Variants in NXNL2 observed in about 807,000 individuals in gnomAD.
The protein encoded by NXNL2 is nucleoredoxin like 2.
NXNL2 carries 7 observed loss-of-function variants against 11.1 expected under a neutral mutation model. The ratio of observed to expected loss-of-function variants is 0.63; its 90% CI spans 0.36 to 1.18. The LOEUF (loss-of-function observed/expected upper bound fraction) is 1.18, where lower values mean the gene tolerates loss of function less well. Among genes scored for constraint, NXNL2 ranks in the 50% most tolerant of loss-of-function variants. The pLI is 0.02. For missense variants in NXNL2, 233 were observed against 217.7 expected (o/e 1.07, Z -0.44); for synonymous variants, 109 against 101.8 (o/e 1.07, Z -0.42).
chr9:88,541,818 T>C (rs1425317623), intron 1 of NXNL2, among the ~76,000 whole-genome samples: 2 of 152,248 alleles, frequency 1.3e-5, no homozygotes, highest in Non-Finnish European at 2.9e-5. Context: ...GTGTGTTTAA[T>C]TGTGTTTACA....
intron 1 of NXNL2, among the ~76,000 whole-genome samples, chr9:88,566,692 G>A (rs1438748319): frequency 6.6e-6 from 1 of 152,168 alleles, no homozygotes; most frequent in African/African-American, 2.4e-5. Context: ...TGTGTATGGT[G>A]TAGACAAAGG....
At chr9:88,556,189 C>T (rs1830008914) in intron 1 of NXNL2, among the ~76,000 whole-genome samples, 1 of 152,162 alleles carries the variant, frequency 6.6e-6, no homozygotes, top group Admixed American at 6.5e-5. Flanking sequence ...GCATCACCGC[C>T]TGCAACTTGG....
chr9:88,556,953 C>T (rs1440880621), intron 1 of NXNL2, among the ~76,000 whole-genome samples: 1 of 151,816 alleles, frequency 6.6e-6, no homozygotes, highest in African/African-American at 2.4e-5. Flanking sequence ...TGGTTGCAGA[C>T]CCCTGTAGTC....
intron 1 of NXNL2, among the ~76,000 whole-genome samples, chr9:88,564,397 ATATC>A (rs1002611269): frequency 2.6e-4 from 40 of 151,614 alleles, no homozygotes; most frequent in Non-Finnish European, 5.0e-4. Flanking sequence ...ATGTATGTAC[ATATC>A]TATCTATTTA....
downstream of NXNL2, among the ~76,000 whole-genome samples, chr9:88,576,978 C>A (rs1178402052): frequency 1.3e-5 from 2 of 152,060 alleles, no homozygotes; most frequent in Non-Finnish European, 2.9e-5. Flanking sequence ...AGGGGGGGTC[C>A]CAGCTCCCAA....
chr9:88,540,296 C>T (rs1829724439), intron 1 of NXNL2, among the ~76,000 whole-genome samples: 2 of 151,070 alleles, frequency 1.3e-5, no homozygotes, highest in South Asian at 4.2e-4. Flanking sequence ...TGTACCACTG[C>T]ACTCCAGTCT....
chr9:88,579,966 T>G (rs976016587), downstream of NXNL2, among the ~76,000 whole-genome samples: 3 of 151,208 alleles, frequency 2.0e-5, no homozygotes, highest in Admixed American at 2.0e-4. Flanking sequence ...CTATCTCTAC[T>G]AAAAAAAATA....
At chr9:88,558,454 A>G (rs180804457) in intron 1 of NXNL2, among the ~76,000 whole-genome samples, 131 of 152,292 alleles carry the variant, frequency 8.6e-4, no homozygotes, top group African/African-American at 2.9e-3. Context: ...ATTTTATAAT[A>G]AATGGATAGA....
Position 88,535,543 on chromosome 9 carries a change from C to A in NXNL2, c.109C>A (p.Arg37=), listed in dbSNP as rs748136116. Residue 37 remains arginine, a synonymous_variant, in exon 1 of 2, where the codon CGG becomes AGG. Coordinates refer to ENST00000375854, the MANE Select transcript of NXNL2 (RefSeq NM_001161625.2). The part of the protein sequence containing the change: ...KVVALYFAAA[R]CAPSRDFTPL... ...GGTGGCACTGTACTTCGCGGCGGCC[C>A]GGTGCGCGCCGAGCCGCGACTTCAC... 6.9e-6 allele frequency: 11 copies of A among 1,605,002 alleles called. No homozygotes were observed. The highest frequency in any genetic ancestry group is 9.3e-6 in the Non-Finnish European group (11 of 1,178,080).
intron 1 of NXNL2, among the ~76,000 whole-genome samples, chr9:88,540,573 C>T (rs1829733306): frequency 6.6e-6 from 1 of 152,204 alleles, no homozygotes; most frequent in Non-Finnish European, 1.5e-5. Flanking sequence ...ATGACTTTCT[C>T]AGTTCTGCAA....
chr9:88,552,619 C>T (rs529089290), intron 1 of NXNL2, among the ~76,000 whole-genome samples: 1 of 151,964 alleles, frequency 6.6e-6, no homozygotes, highest in African/African-American at 2.4e-5. Context: ...TACAGGTGCC[C>T]ACCACCACGC....
intron 1 of NXNL2, among the ~76,000 whole-genome samples, chr9:88,558,337 G>A (rs928315580): frequency 2.6e-5 from 4 of 152,146 alleles, no homozygotes; most frequent in African/African-American, 9.7e-5. Context: ...GGAGGGTGGT[G>A]TTCCCGGAGA....
chr9:88,537,076 A>G (rs1829637586), intron 1 of NXNL2, among the ~76,000 whole-genome samples: 1 of 152,240 alleles, frequency 6.6e-6, no homozygotes, highest in Non-Finnish European at 1.5e-5. Flanking sequence ...TCTGGGATTT[A>G]CTTGCCAGGT....
intron 1 of NXNL2, among the ~76,000 whole-genome samples, chr9:88,564,471 C>T (rs1394173789): frequency 1.3e-5 from 2 of 152,016 alleles, no homozygotes; most frequent in Non-Finnish European, 2.9e-5. Context: ...GGCTGGAGTG[C>T]AGTGGCACCA....
At chr9:88,581,385 G>C (rs1488277043) in intron 1 of NXNL2, among the ~76,000 whole-genome samples, 1 of 152,146 alleles carries the variant, frequency 6.6e-6, no homozygotes, top group African/African-American at 2.4e-5. Context: ...CCACTTTTGG[G>C]GGGAGTTTGG....
At chr9:88,545,911 C>T (rs527318411), downstream of NXNL2, among the ~76,000 whole-genome samples, 261 of 152,044 alleles carry the variant, frequency 1.7e-3, 2 homozygotes, top group African/African-American at 5.8e-3. Context: ...GGATTACAGG[C>T]GCCCGCCACC....
chr9:88,568,965 C>A (rs922499739), intron 1 of NXNL2, among the ~76,000 whole-genome samples: 1 of 152,092 alleles, frequency 6.6e-6, no homozygotes, highest in African/African-American at 2.4e-5. Context: ...GCCTCACTCT[C>A]ACCCAGGCTG....
chr9:88,563,801 G>A (rs997526710), intron 1 of NXNL2, among the ~76,000 whole-genome samples: 19 of 152,004 alleles, frequency 1.2e-4, no homozygotes, highest in African/African-American at 4.8e-5. Context: ...CCTCTTTGCA[G>A]TCATCACTCT....
intron 1 of NXNL2, 85 bp from the exon 2 acceptor site, chr9:88,544,294 G>A: frequency 1.6e-6 from 2 of 1,264,990 alleles, no homozygotes; most frequent in Admixed American, 2.1e-5. Context: ...CAAGTTGGCT[G>A]TACCTCAGGC....
Sources: allele counts gnomAD v4.1 joint callset (sites outside exome capture counted in the v4.1 genomes callset), GRCh38; gene constraint gnomAD v4.1.1; transcripts MANE v1.5; gene names NCBI Gene and HGNC (gene_info 2026-07-23, HGNC 2026-07-21).